WDR89: variants seen among roughly 807,000 people sequenced by gnomAD.
WDR89 encodes the protein WD repeat-containing protein 89.
In WDR89, 17 loss-of-function variants were observed where a neutral mutation model predicts 29.1. The ratio of observed to expected loss-of-function variants is 0.58; its 90% CI spans 0.40 to 0.88. WDR89 has a LOEUF of 0.88. Among genes scored for constraint, WDR89 ranks in the 40% least tolerant of loss-of-function variants. WDR89 has a pLI of 0.00. For synonymous variants in WDR89, 138 were observed against 157.8 expected (o/e 0.87, Z 0.94); for missense variants, 396 against 456.3 (o/e 0.87, Z 1.20).
intron 2 of WDR89, among the ~76,000 whole-genome samples, chr14:63,623,496 G>A (rs1457729729): frequency 2.0e-5 from 3 of 151,680 alleles, no homozygotes; most frequent in Non-Finnish European, 1.5e-5. Context: ...TTGAGGTCAG[G>A]AGTCCAAGAC....
chr14:63,635,053 C>T (rs1171534441), intron 1 of WDR89, among the ~76,000 whole-genome samples: 2 of 151,670 alleles, frequency 1.3e-5, no homozygotes, highest in Non-Finnish European at 2.9e-5. Context: ...TTCTACCAGA[C>T]ATTCAAAGAA....
intron 2 of WDR89, among the ~76,000 whole-genome samples, chr14:63,611,525 T>C (rs1881990180): frequency 6.6e-6 from 1 of 151,910 alleles, no homozygotes; most frequent in Non-Finnish European, 1.5e-5. Context: ...GTCTGTCATT[T>C]AGTTAATAGT....
intron 2 of WDR89, among the ~76,000 whole-genome samples, chr14:63,602,657 A>G (rs1895126417): frequency 6.6e-6 from 1 of 151,332 alleles, no homozygotes; most frequent in Non-Finnish European, 1.5e-5. Context: ...CTGTAATCCC[A>G]GCTACTCGGG....
intron 2 of WDR89, among the ~76,000 whole-genome samples, chr14:63,602,508 C>A (rs1895117190): frequency 6.7e-6 from 1 of 148,362 alleles, no homozygotes; most frequent in African/African-American, 2.5e-5. Context: ...CATGGTAGCT[C>A]ACGCCTGTAA....
chr14:63,635,391 CAATA>C (rs1370688045), intron 1 of WDR89, among the ~76,000 whole-genome samples: 6 of 152,156 alleles, frequency 3.9e-5, no homozygotes, highest in Non-Finnish European at 8.8e-5. Flanking sequence ...ATGATCATCT[CAATA>C]GATACAGAAA....
At chr14:63,609,124 C>CAA (rs11420120) in intron 2 of WDR89, among the ~76,000 whole-genome samples, 1 of 150,810 alleles carries the variant, frequency 6.6e-6, no homozygotes, top group African/African-American at 2.4e-5. Flanking sequence ...AAAAAAAACC[C>CAA]AAAAAAACAA....
intron 2 of WDR89, among the ~76,000 whole-genome samples, chr14:63,616,432 A>G (rs1453026194): frequency 6.6e-6 from 1 of 152,178 alleles, no homozygotes; most frequent in Non-Finnish European, 1.5e-5. Flanking sequence ...ATAATAATAA[A>G]AATAGTGAGG....
intron 1 of WDR89, among the ~76,000 whole-genome samples, chr14:63,626,676 CAAA>C (rs35582220): frequency 1.9e-3 from 66 of 34,492 alleles, no homozygotes; most frequent in African/African-American, 4.9e-3. Context: ...GAGACTGTCT[CAAA>C]AAAAAAAAAA....
chr14:63,635,237 C>T lies in WDR89; in HGVS notation c.-138+6567G>A, dbSNP rs372037670. Reference sequence around the variant, plus strand: ...AAATGCTAAGATCCTTAACAAAATACTAGCTAACTGAATCCAACAACATAT... The same window carrying T: ...AAATGCTAAGATCCTTAACAAAATATTAGCTAACTGAATCCAACAACATAT... On this transcript the variant is annotated intron_variant, in intron 1 of 2. Coordinates refer to ENST00000620954, the MANE Select transcript of WDR89 (RefSeq NM_080666.4). Among the ~76,000 whole-genome samples the T allele has an allele frequency of 5.3e-4, 81 of 152,236 alleles. 2 individuals carry two copies. In the South Asian group the frequency reaches 0.016, roughly 31 times the overall value.
intron 2 of WDR89, among the ~76,000 whole-genome samples, chr14:63,612,116 T>C (rs1405762504): frequency 6.6e-6 from 1 of 152,100 alleles, no homozygotes; most frequent in Non-Finnish European, 1.5e-5. Flanking sequence ...GTCCCAATGC[T>C]GAAAAGCCCT....
chr14:63,636,100 T>C (rs997764505), intron 1 of WDR89, among the ~76,000 whole-genome samples: 5 of 152,086 alleles, frequency 3.3e-5, no homozygotes, highest in African/African-American at 2.4e-5. Flanking sequence ...TCCCAGCTAC[T>C]TGGGAGGCTC....
intron 1 of WDR89, among the ~76,000 whole-genome samples, chr14:63,631,142 G>A (rs75133339): frequency 2.0e-5 from 3 of 152,054 alleles, no homozygotes; most frequent in East Asian, 1.9e-4. Context: ...GTGAGATGAC[G>A]GAGACACTAA....
At chr14:63,630,380 C>T (rs942403253) in intron 1 of WDR89, among the ~76,000 whole-genome samples, 11 of 150,984 alleles carry the variant, frequency 7.3e-5, no homozygotes, top group African/African-American at 2.0e-4. Context: ...CGGTAGCTCA[C>T]GCCTGTAATC....
chr14:63,619,267 G>T (rs538865532), intron 2 of WDR89, among the ~76,000 whole-genome samples: 2 of 152,218 alleles, frequency 1.3e-5, no homozygotes, highest in Admixed American at 6.5e-5. Context: ...GAAGTTTTTG[G>T]TATATAAATG....
intron 1 of WDR89, among the ~76,000 whole-genome samples, chr14:63,639,299 T>C (rs2139586016): frequency 6.8e-6 from 1 of 147,240 alleles, no homozygotes; most frequent in East Asian, 2.0e-4. Flanking sequence ...GTGGGAGGAC[T>C]GCTTGAGCCC....
At position 63,627,150 on chromosome 14, in the gene WDR89, A is replaced by ACACTCT. The variant is rs1433982075; in HGVS notation, c.-137-2118_-137-2117insAGAGTG. Among the ~76,000 whole-genome samples, 554 of 127,252 alleles carry ACACTCT rather than the reference A, an allele frequency of 4.4e-3. 4 individuals are homozygous for ACACTCT. The highest frequency in any genetic ancestry group is 0.015 in the African/African-American group (478 of 31,382). 83.5% of individuals were successfully genotyped at this position (127,252 alleles called of 152,430 possible). On this transcript the variant is annotated intron_variant, in intron 1 of 2. Transcript: ENST00000620954. ...CACACACACACACACACACACACACACTCTCTCTCTCTCTCTCTCTCTCTC... is the reference window on the plus strand; with the variant it reads ...CACACACACACACACACACACACACACACTCTCTCTCTCTCTCTCTCTCTCTCTCTC...
At chr14:63,639,964 C>T (rs1883996728) in intron 1 of WDR89, among the ~76,000 whole-genome samples, 1 of 152,216 alleles carries the variant, frequency 6.6e-6, no homozygotes, top group African/African-American at 2.4e-5. Context: ...TCTGGAAAAA[C>T]ACCCTGTATT....
At chr14:63,629,978 C>T (rs991232946) in intron 1 of WDR89, among the ~76,000 whole-genome samples, 5 of 152,050 alleles carry the variant, frequency 3.3e-5, no homozygotes, top group Admixed American at 2.6e-4. Context: ...GATGGAGTCT[C>T]GCCTTGTCAC....
chr14:63,619,132 A>G (rs1359243051), intron 2 of WDR89, among the ~76,000 whole-genome samples: 1 of 152,202 alleles, frequency 6.6e-6, no homozygotes, highest in Non-Finnish European at 1.5e-5. Context: ...GGGGAAGAGC[A>G]TGGAGAGAAA....
Sources: allele counts gnomAD v4.1 joint callset (sites outside exome capture counted in the v4.1 genomes callset), GRCh38; gene constraint gnomAD v4.1.1; transcripts MANE v1.5; gene names NCBI Gene and HGNC (gene_info 2026-07-23, HGNC 2026-07-21).